Variants in NT5DC4 observed in about 807,000 individuals in gnomAD.
NT5DC4 encodes the protein 5'-nucleotidase domain-containing protein 4.
In NT5DC4, 44 loss-of-function variants were observed where a neutral mutation model predicts 26.6. The ratio of observed to expected loss-of-function variants is 1.65; its 90% CI spans 1.30 to 2.13. The LOEUF (loss-of-function observed/expected upper bound fraction) is 2.13. Among genes scored for constraint, NT5DC4 ranks in the 30% most tolerant of loss-of-function variants. The probability of loss-of-function intolerance (pLI) is 0.00; values close to 1 mark genes in which losing one functional copy is unlikely to be tolerated. For missense variants in NT5DC4, 399 were observed against 228.1 expected (o/e 1.75, Z -4.83); for synonymous variants, 157 against 86.7 (o/e 1.81, Z -4.51).
intron 16 of NT5DC4, among the ~76,000 whole-genome samples, chr2:112,732,613 T>C (rs1020752964): frequency 6.6e-6 from 1 of 152,200 alleles, no homozygotes; most frequent in African/African-American, 2.4e-5. Context: ...TCCTGAAATA[T>C]AGTGTGGTAG....
upstream of NT5DC4, among the ~76,000 whole-genome samples, chr2:112,719,380 TG>T (rs1315428545): frequency 6.6e-6 from 1 of 152,224 alleles, no homozygotes; most frequent in Non-Finnish European, 1.5e-5. Flanking sequence ...TTTCTGTTGT[TG>T]TTCCAGATAA....
Position 112,724,837 on chromosome 2 carries a change from G to T in NT5DC4, c.846G>T (p.Thr282=). 1.4e-6 allele frequency: 1 copy of T among 717,180 alleles called. No homozygotes were observed. The highest frequency in any genetic ancestry group is 2.7e-5 in the East Asian group (1 of 37,282). 44.4% of individuals were successfully genotyped at this position (717,180 alleles called of 1,614,324 possible). The change falls in exon 11 of 17, where the codon ACG becomes ACT. Residue 282 remains threonine, a synonymous_variant. Transcript: ENST00000688554. Reference sequence around the variant, plus strand: ...ACTTTGACCTGATCGTGGTGGACACGCAGAAGCCCCACTTCTTTGCAGAGG... The same window carrying T: ...ACTTTGACCTGATCGTGGTGGACACTCAGAAGCCCCACTTCTTTGCAGAGG... ...RSYFDLIVVD[T]QKPHFFAEGL...
At chr2:112,742,837 T>C, downstream of NT5DC4, 1 of 959,882 alleles carries the variant, frequency 1.0e-6, no homozygotes, top group South Asian at 1.4e-5. Flanking sequence ...TAAGGAACTT[T>C]AACTTCAAAT....
At chr2:112,741,940 GTT>G (rs57634251), downstream of NT5DC4, among the ~76,000 whole-genome samples, 700 of 71,904 alleles carry the variant, frequency 9.7e-3, 9 homozygotes, top group African/African-American at 0.033. Flanking sequence ...TTTCTTTTCT[GTT>G]TTTTTTTTTT....
chr2:112,723,354 T>C, intron 7 of NT5DC4, 64 bp from the exon 8 acceptor site: 1 of 309,252 alleles, frequency 3.2e-6, no homozygotes, highest in Non-Finnish European at 5.5e-6. Flanking sequence ...TGTGGGTGGG[T>C]ACACATGCAC....
downstream of NT5DC4, among the ~76,000 whole-genome samples, chr2:112,741,758 T>G (rs1679982102): frequency 6.6e-6 from 1 of 152,152 alleles, no homozygotes; most frequent in Non-Finnish European, 1.5e-5. Flanking sequence ...GTTCCCCAGT[T>G]AAATCTACTC....
chr2:112,741,281 T>C (rs1679944704), downstream of NT5DC4, among the ~76,000 whole-genome samples: 1 of 151,656 alleles, frequency 6.6e-6, no homozygotes, highest in Admixed American at 6.6e-5. Flanking sequence ...TCTGAACATA[T>C]CTCCAGTCTC....
intron 15 of NT5DC4, chr2:112,727,160 T>G: frequency 4.8e-6 from 1 of 210,018 alleles, no homozygotes; most frequent in Non-Finnish European, 1.0e-5. Flanking sequence ...ACCAAAAAGC[T>G]GGAGGTGCCC....
intron 13 of NT5DC4, 36 bp from the exon 14 acceptor site, chr2:112,726,202 G>A (rs553827434): frequency 8.2e-5 from 59 of 717,098 alleles, no homozygotes; most frequent in South Asian, 7.0e-4. Flanking sequence ...GACACAGGCC[G>A]TCACTCACCC....
At chr2:112,722,932 C>G in intron 6 of NT5DC4, 149 bp from the exon 7 acceptor site, 1 of 641,106 alleles carries the variant, frequency 1.6e-6, no homozygotes, top group Non-Finnish European at 2.8e-6. Context: ...ACCCTTAGCT[C>G]TGGGTGATGC....
At position 112,726,695 on chromosome 2, in the gene NT5DC4, G is replaced by C. The variant is rs970760552; in HGVS notation, c.1223G>C (p.Ser408Thr). 3 of 717,432 alleles carry C rather than the reference G, an allele frequency of 4.2e-6. No homozygotes were observed. The highest frequency in any genetic ancestry group is 7.8e-6 in the Non-Finnish European group (3 of 385,112). The allele number at this position is 717,432 out of a possible 1,614,324, so 44.4% of individuals were successfully genotyped here. A position where few individuals can be genotyped will look rare whatever the true frequency, so the allele number is the denominator to read the frequency against. Reference sequence around the variant, plus strand: ...TGTACCAGGCACATGGATGGGAGCAGTTGTGAGCTGCAAGTCATCAACTTC... The same window carrying C: ...TGTACCAGGCACATGGATGGGAGCACTTGTGAGCTGCAAGTCATCAACTTC... ...ADIYQHMDGS[S>T]CELQVINFTK... The change falls in exon 15 of 17, where the codon AGT becomes ACT. Residue 408 changes from serine to threonine, a missense_variant. Transcript: ENST00000688554.
upstream of NT5DC4, among the ~76,000 whole-genome samples, chr2:112,720,481 A>G (rs1676779308): frequency 6.6e-6 from 1 of 152,168 alleles, no homozygotes; most frequent in Admixed American, 6.5e-5. Flanking sequence ...ATGGGCCCTC[A>G]GGGAGTATTT....
intron 9 of NT5DC4, 143 bp from the exon 10 acceptor site, chr2:112,723,951 G>A (rs1372071649): frequency 1.4e-6 from 1 of 693,810 alleles, no homozygotes; most frequent in African/African-American, 1.8e-5. Context: ...TCCATTTCTT[G>A]GCCTTTCAAG....
intron 6 of NT5DC4, 29 bp from the exon 7 acceptor site, chr2:112,723,052 C>T: frequency 4.3e-6 from 3 of 697,020 alleles, no homozygotes; most frequent in Non-Finnish European, 8.0e-6. Flanking sequence ...CCCTTATTGG[C>T]CTCCCCGTCC....
chr2:112,722,059 G>C lies in NT5DC4; in HGVS notation c.222G>C (p.Pro74=), dbSNP rs188470836. The C allele has an allele frequency of 2.8e-6, 2 of 716,958 alleles. No individual in the cohort carries two copies. Among genetic ancestry groups the C allele is most frequent in the Non-Finnish European group, 5.2e-6 (2 of 385,092 alleles). 44.4% of individuals were successfully genotyped at this position (716,958 alleles called of 1,614,324 possible). A position where few individuals can be genotyped will look rare whatever the true frequency, so the allele number is the denominator to read the frequency against. Residue 74 remains proline (P), a synonymous_variant, in exon 3 of 17, where the codon CCG becomes CCC. Coordinates refer to ENST00000688554, the MANE Select transcript of NT5DC4 (RefSeq NM_001393655.1). ...LLERLVCIGY[P]HEILRYTYDP... ...AGCGCCTGGTGTGCATTGGGTACCCGCATGAGATCCTGCGCTACACCTACG... is the reference window on the plus strand; with the variant it reads ...AGCGCCTGGTGTGCATTGGGTACCCCCATGAGATCCTGCGCTACACCTACG...
chr2:112,727,696 C>G (rs569844462), intron 15 of NT5DC4, among the ~76,000 whole-genome samples: 1 of 152,148 alleles, frequency 6.6e-6, no homozygotes, highest in African/African-American at 2.4e-5. Context: ...CAATGTCCCC[C>G]GGTGAGAGGC....
intron 14 of NT5DC4, 147 bp from the exon 15 acceptor site, chr2:112,726,531 C>T (rs137886181): frequency 5.3e-5 from 36 of 675,752 alleles, no homozygotes; most frequent in African/African-American, 5.1e-4. Flanking sequence ...GACCTGCCCT[C>T]GCACGCATGC....
chr2:112,726,487 T>C (rs1486927936), intron 14 of NT5DC4, among the ~76,000 whole-genome samples, 191 bp from the exon 15 acceptor site: 1 of 152,154 alleles, frequency 6.6e-6, no homozygotes, highest in Non-Finnish European at 1.5e-5. Context: ...CTGTGACCTC[T>C]AGGCCCTTCC....
intron 9 of NT5DC4, 136 bp from the exon 10 acceptor site, chr2:112,723,958 C>T: frequency 2.9e-6 from 2 of 697,140 alleles, no homozygotes; most frequent in African/African-American, 1.7e-5. Flanking sequence ...CTTGGCCTTT[C>T]AAGGCCTCAG....
Sources: gnomAD v4.1 joint callset for allele counts (sites outside exome capture counted in the v4.1 genomes callset) on GRCh38, gnomAD v4.1.1 for gene constraint, MANE v1.5 for transcripts, NCBI Gene and HGNC (gene_info 2026-07-23, HGNC 2026-07-21) for gene names.